The following MLIP variants were observed in gnomAD, a reference collection of about 807,000 sequenced individuals.
MLIP encodes the protein muscular LMNA interacting protein.
MLIP carries 79 observed loss-of-function variants against 84.8 expected under a neutral mutation model. The ratio of observed to expected loss-of-function variants is 0.93; its 90% CI spans 0.78 to 1.12. MLIP has a LOEUF of 1.12. Among genes scored for constraint, MLIP ranks in the 50% most tolerant of loss-of-function variants. MLIP has a pLI of 0.00. For synonymous variants in MLIP, 504 were observed against 463.0 expected (o/e 1.09, Z -1.14); for missense variants, 1,257 against 1,160.6 (o/e 1.08, Z -1.21).
At chr6:54,187,844 A>C (rs1777543318) in intron 9 of MLIP, among the ~76,000 whole-genome samples, 1 of 152,112 alleles carries the variant, frequency 6.6e-6, no homozygotes, top group African/African-American at 2.4e-5. Context: ...CTCTAATTAA[A>C]AAAATACAAA....
At chr6:54,135,070 A>G (rs1771688848) in intron 3 of MLIP, among the ~76,000 whole-genome samples, 1 of 152,132 alleles carries the variant, frequency 6.6e-6, no homozygotes, top group Non-Finnish European at 1.5e-5. Context: ...AAATGATTGC[A>G]TAACTCCAAA....
intron 12 of MLIP, among the ~76,000 whole-genome samples, chr6:54,248,346 G>A (rs1383905386): frequency 6.6e-6 from 1 of 152,130 alleles, no homozygotes; most frequent in Non-Finnish European, 1.5e-5. Flanking sequence ...CAACAAATAT[G>A]CTTCCTTGTC....
chr6:54,071,356 G>A (rs1766476216), intron 1 of MLIP, among the ~76,000 whole-genome samples: 1 of 151,858 alleles, frequency 6.6e-6, no homozygotes, highest in Non-Finnish European at 1.5e-5. Flanking sequence ...ATCTTCATAG[G>A]CTATATTCAT....
intron 13 of MLIP, among the ~76,000 whole-genome samples, chr6:54,259,372 C>G (rs751748711): frequency 5.9e-5 from 9 of 151,842 alleles, no homozygotes; most frequent in Non-Finnish European, 1.3e-4. Context: ...GTATTTCTTT[C>G]AAATACAATA....
chr6:54,174,464 C>A (rs967844698), intron 9 of MLIP, among the ~76,000 whole-genome samples: 7 of 152,006 alleles, frequency 4.6e-5, no homozygotes, highest in Admixed American at 2.0e-4. Flanking sequence ...GATAATATCT[C>A]ATTGTAGTTT....
intron 1 of MLIP, among the ~76,000 whole-genome samples, chr6:54,074,534 T>G (rs1342374527): frequency 6.6e-6 from 1 of 152,164 alleles, no homozygotes; most frequent in Non-Finnish European, 1.5e-5. Flanking sequence ...GGTAAGAAGG[T>G]CAGCAAATAA....
chr6:54,048,977 T>A (rs1465166065), intron 1 of MLIP, among the ~76,000 whole-genome samples: 3 of 152,192 alleles, frequency 2.0e-5, no homozygotes, highest in Non-Finnish European at 2.9e-5. Context: ...ACACTTGAGA[T>A]AAAAATGCTG....
chr6:54,019,896 AAG>A (rs757943683), intron 1 of MLIP, among the ~76,000 whole-genome samples: 12 of 152,216 alleles, frequency 7.9e-5, no homozygotes, highest in Non-Finnish European at 1.6e-4. Context: ...AAATGGAAAA[AAG>A]AACCATACTG....
chr6:54,207,417 C>A lies in MLIP; in HGVS notation c.2718+5184C>A, dbSNP rs9370270. On this transcript the variant is annotated intron_variant, in intron 11 of 13. Transcript: ENST00000502396. ...ATTTCCATCACCTCTGCACCCCCCC[C>A]CCCTTTTTTGACATTTCTTTTCTCT... is the stretch of plus-strand genomic sequence containing the variant. Among the ~76,000 whole-genome samples, 409 of 144,022 alleles carry A rather than the reference C, an allele frequency of 2.8e-3. 10 individuals carry two copies. The highest frequency in any genetic ancestry group is 0.022 in the South Asian group (91 of 4,066). 94.5% of individuals were successfully genotyped at this position (144,022 alleles called of 152,430 possible).
chr6:54,248,476 T>G (rs960781861), intron 12 of MLIP, among the ~76,000 whole-genome samples: 1 of 152,134 alleles, frequency 6.6e-6, no homozygotes, highest in South Asian at 2.1e-4. Context: ...ATGGTGTAGT[T>G]AATCCCCTTA....
chr6:54,190,693 A>G (rs1222278977), intron 10 of MLIP, among the ~76,000 whole-genome samples: 1 of 152,100 alleles, frequency 6.6e-6, no homozygotes, highest in African/African-American at 2.4e-5. Context: ...ATTAAATGAG[A>G]GAATTATTTT....
intron 1 of MLIP, among the ~76,000 whole-genome samples, chr6:54,037,895 AT>A (rs1444389382): frequency 2.0e-5 from 3 of 151,880 alleles, no homozygotes; most frequent in African/African-American, 7.2e-5. Context: ...TGAACCTGAA[AT>A]TTGTTAGTGT....
intron 1 of MLIP, among the ~76,000 whole-genome samples, chr6:54,076,034 G>C (rs1465111222): frequency 6.6e-6 from 1 of 151,880 alleles, no homozygotes; most frequent in African/African-American, 2.4e-5. Flanking sequence ...TAACACTGTT[G>C]TTCAATATTA....
intron 9 of MLIP, among the ~76,000 whole-genome samples, chr6:54,178,450 A>C (rs560612278): frequency 1.3e-5 from 2 of 151,642 alleles, no homozygotes; most frequent in Admixed American, 1.3e-4. Context: ...TCTTCTACTA[A>C]TTTTGGGTTT....
chr6:54,040,788 A>T (rs763339216), intron 1 of MLIP, among the ~76,000 whole-genome samples: 3 of 152,144 alleles, frequency 2.0e-5, no homozygotes, highest in Non-Finnish European at 2.9e-5. Flanking sequence ...GCTGGAGGCC[A>T]TTATCCTAAT....
intron 13 of MLIP, chr6:54,261,761 T>C (rs772597640): frequency 1.5e-5 from 15 of 983,570 alleles, no homozygotes; most frequent in Non-Finnish European, 1.8e-5. Flanking sequence ...ACTCTCATTT[T>C]CTGGTTTGAT....
chr6:54,238,286 A>G (rs1322386406), intron 12 of MLIP, among the ~76,000 whole-genome samples: 1 of 152,102 alleles, frequency 6.6e-6, no homozygotes, highest in Non-Finnish European at 1.5e-5. Flanking sequence ...ACTGTCCATA[A>G]CTTTTCTTCT....
intron 12 of MLIP, among the ~76,000 whole-genome samples, chr6:54,238,889 A>G (rs538697455): frequency 1.3e-5 from 2 of 152,310 alleles, no homozygotes; most frequent in Non-Finnish European, 2.9e-5. Flanking sequence ...TTTTCTAAAA[A>G]TGCATGATCT....
intron 9 of MLIP, among the ~76,000 whole-genome samples, chr6:54,180,247 T>G (rs1776719925): frequency 6.6e-6 from 1 of 152,200 alleles, no homozygotes; most frequent in African/African-American, 2.4e-5. Flanking sequence ...TTTATGATCC[T>G]TTCTTTATCC....
Sources: allele counts gnomAD v4.1 joint callset (sites outside exome capture counted in the v4.1 genomes callset), GRCh38; gene constraint gnomAD v4.1.1; transcripts MANE v1.5; gene names NCBI Gene and HGNC (gene_info 2026-07-23, HGNC 2026-07-21).